PDE1A: variants seen among roughly 807,000 people sequenced by gnomAD.
PDE1A encodes the protein dual specificity calcium/calmodulin-dependent 3',5'-cyclic nucleotide phosphodiesterase 1A.
Under a neutral mutation model 61.7 loss-of-function variants are expected in PDE1A, and 35 were observed. The observed-to-expected ratio is 0.57, with a 90% CI of 0.43 to 0.75. PDE1A has a LOEUF of 0.75. PDE1A is among the 30% of genes least tolerant of loss of function. The probability of loss-of-function intolerance (pLI) is 0.00; values close to 1 mark genes in which losing one functional copy is unlikely to be tolerated. For missense variants in PDE1A, 597 were observed against 630.6 expected, an observed-to-expected ratio of 0.95 and a Z score of 0.57; for synonymous variants, 232 against 213.2, an observed-to-expected ratio of 1.09 and a Z score of -0.77.
At chr2:182,142,161 C>T (rs1054321591), downstream of PDE1A, 1 of 149,384 alleles carries the variant, frequency 6.7e-6, no homozygotes, top group Non-Finnish European at 1.5e-5. Flanking sequence ...CACACACATT[C>T]TTGTCTCTTA....
intron 1 of PDE1A, among the ~76,000 whole-genome samples, chr2:182,392,522 C>T (rs889374659): frequency 2.6e-5 from 4 of 152,166 alleles, no homozygotes; most frequent in Admixed American, 6.5e-5. Context: ...ATTTCCAAAC[C>T]AATCATGCCT....
intron 1 of PDE1A, among the ~76,000 whole-genome samples, chr2:182,361,024 T>A (rs1284055135): frequency 6.6e-6 from 1 of 151,982 alleles, no homozygotes. Context: ...CTCCAACAAC[T>A]TGGGAAAGGG....
At chr2:182,148,522 G>C (rs1443816995) in intron 13 of PDE1A, among the ~76,000 whole-genome samples, 3 of 152,172 alleles carry the variant, frequency 2.0e-5, no homozygotes, top group African/African-American at 7.2e-5. Flanking sequence ...AGGTTGGTAA[G>C]ACCCATGAAT....
At chr2:182,313,373 C>T (rs1696119136) in intron 1 of PDE1A, among the ~76,000 whole-genome samples, 1 of 152,048 alleles carries the variant, frequency 6.6e-6, no homozygotes, top group Non-Finnish European at 1.5e-5. Flanking sequence ...GAGATCGTGC[C>T]ACTGCACTCC....
chr2:182,624,766 T>C, the PDE1A span, among the ~76,000 whole-genome samples: 77 of 152,316 alleles, frequency 5.1e-4, no homozygotes, highest in Non-Finnish European at 9.7e-4. Flanking sequence ...CGTGTCCTAA[T>C]TGCCCTGGGG....
chr2:182,614,722 C>A, the PDE1A span, among the ~76,000 whole-genome samples: 7 of 151,890 alleles, frequency 4.6e-5, no homozygotes, highest in Non-Finnish European at 1.0e-4. Context: ...CACACCCAGC[C>A]AATTTTGTAT....
At chr2:182,662,918 T>G in the PDE1A span, among the ~76,000 whole-genome samples, 1 of 152,186 alleles carries the variant, frequency 6.6e-6, no homozygotes, top group African/African-American at 2.4e-5. Flanking sequence ...AGAAAAATTT[T>G]GCAAACTATG....
intron 2 of PDE1A, among the ~76,000 whole-genome samples, chr2:182,258,949 C>G (rs1248492470): frequency 6.6e-6 from 1 of 152,174 alleles, no homozygotes; most frequent in African/African-American, 2.4e-5. Flanking sequence ...ATTCTAGACC[C>G]AGTTCTAGCC....
At chr2:182,469,341 C>T (rs1486895994) in intron 2 of PDE1A, among the ~76,000 whole-genome samples, 5 of 151,930 alleles carry the variant, frequency 3.3e-5, no homozygotes, top group African/African-American at 1.2e-4. Flanking sequence ...TCATCTTGCA[C>T]TTTTATGTTA....
chr2:182,512,876 G>C (rs1435401138), intron 2 of PDE1A, among the ~76,000 whole-genome samples: 1 of 152,120 alleles, frequency 6.6e-6, no homozygotes, highest in Non-Finnish European at 1.5e-5. Context: ...CCGATTCCTT[G>C]AATCAACTCA....
chr2:182,498,947 T>TA (rs1443347208), intron 2 of PDE1A, among the ~76,000 whole-genome samples: 1 of 150,536 alleles, frequency 6.6e-6, no homozygotes, highest in Non-Finnish European at 1.5e-5. Flanking sequence ...CATCTCAAAA[T>TA]AAAAAAATAA....
At chr2:182,406,979 A>T (rs995769959) in intron 1 of PDE1A, among the ~76,000 whole-genome samples, 1 of 152,174 alleles carries the variant, frequency 6.6e-6, no homozygotes, top group African/African-American at 2.4e-5. Context: ...TCTTCTTTAA[A>T]TATTCATGTT....
chr2:182,536,440 C>A, the PDE1A span, among the ~76,000 whole-genome samples: 3 of 152,038 alleles, frequency 2.0e-5, no homozygotes, highest in Admixed American at 1.3e-4. Context: ...TTTATTCATT[C>A]AATAGCAGAA....
At chr2:182,456,943 T>C (rs1685963163) in intron 2 of PDE1A, among the ~76,000 whole-genome samples, 1 of 152,094 alleles carries the variant, frequency 6.6e-6, no homozygotes, top group Admixed American at 6.6e-5. Flanking sequence ...ATGGATAGCA[T>C]CTCACACACT....
downstream of PDE1A, among the ~76,000 whole-genome samples, chr2:182,143,535 G>T (rs986093421): frequency 7.9e-5 from 12 of 151,578 alleles, no homozygotes; most frequent in African/African-American, 2.9e-4. Context: ...GTTTTTTGGT[G>T]AGACGAGTCT....
At chr2:182,163,843 A>T (rs1260252083), downstream of PDE1A, among the ~76,000 whole-genome samples, 1 of 152,180 alleles carries the variant, frequency 6.6e-6, no homozygotes, top group Non-Finnish European at 1.5e-5. Context: ...CACTTGGGCC[A>T]TGTGACCCAA....
At chr2:182,664,583 C>T in the PDE1A span, among the ~76,000 whole-genome samples, 97,585 of 151,978 alleles carry the variant, frequency 0.64, 31,824 homozygotes, top group Middle Eastern at 0.78. Context: ...GCTTAAAATG[C>T]TAAGTACCAA....
At chr2:182,237,934 A>G (rs1333452511) in intron 3 of PDE1A, among the ~76,000 whole-genome samples, 1 of 152,186 alleles carries the variant, frequency 6.6e-6, no homozygotes, top group East Asian at 1.9e-4. Context: ...AACCAGGCTC[A>G]AGTGAATTGG....
At chr2:182,245,420 G>T (rs1690871504) in intron 2 of PDE1A, among the ~76,000 whole-genome samples, 1 of 152,100 alleles carries the variant, frequency 6.6e-6, no homozygotes, top group African/African-American at 2.4e-5. Flanking sequence ...TTTGATAAAT[G>T]TATAATGACA....
Sources: allele counts gnomAD v4.1 joint callset (sites outside exome capture counted in the v4.1 genomes callset), GRCh38; gene constraint gnomAD v4.1.1; transcripts MANE v1.5; gene names NCBI Gene and HGNC (gene_info 2026-07-23, HGNC 2026-07-21).